GANC: variants seen among roughly 807,000 people sequenced by gnomAD.
The protein encoded by GANC is glucosidase alpha, neutral C.
In GANC, 117 loss-of-function variants were observed where a neutral mutation model predicts 124.2. That is an observed-to-expected ratio of 0.94 (90% CI 0.81 to 1.10). The LOEUF (loss-of-function observed/expected upper bound fraction) is 1.10. Ranked by LOEUF, GANC falls within the 50% of genes least tolerant of loss-of-function variation. The pLI is 0.00. For missense variants in GANC, 1,140 were observed against 1,095.0 expected, an observed-to-expected ratio of 1.04 and a Z score of -0.58; for synonymous variants, 377 against 376.8, an observed-to-expected ratio of 1.00 and a Z score of -0.01.
At position 42,297,764 on chromosome 15, in the gene GANC, A is replaced by G. The variant is rs537444171; in HGVS notation, c.558+108A>G. On this transcript the variant is annotated intron_variant, in intron 6 of 23. Coordinates refer to ENST00000318010, the MANE Select transcript of GANC (RefSeq NM_198141.3). Reference sequence around the variant, plus strand: ...TCTACAGAAGGGTGCTTGTTAAATGATCGACTGCATATAAATAGGACCACT... The same window carrying G: ...TCTACAGAAGGGTGCTTGTTAAATGGTCGACTGCATATAAATAGGACCACT... The G allele has an allele frequency of 2.4e-4, 161 of 671,710 alleles. 4 individuals carry two copies. The South Asian group carries it at 2.5e-3, about 11-fold the overall frequency. 41.6% of individuals were successfully genotyped at this position (671,710 alleles called of 1,614,324 possible). A position where few individuals can be genotyped will look rare whatever the true frequency, so the allele number is the denominator to read the frequency against.
In GANC at chr15:42,329,271, A is replaced by G. The variant is rs181209171; in HGVS notation, c.1501-35A>G. ...GACAGCTATTATATAGACATCATCA[A>G]TGTAGGAGTGTCATGACCAAGGTTT... On this transcript the variant is annotated intron_variant, in intron 13 of 23. Coordinates refer to ENST00000318010, the MANE Select transcript of GANC (RefSeq NM_198141.3). The G allele has an allele frequency of 1.7e-4, 278 of 1,595,264 alleles. No individual in the cohort carries two copies. The Admixed American group carries it at 1.8e-3, about 10-fold the overall frequency.
At position 42,276,366 on chromosome 15, in the gene GANC, A is replaced by G. The variant is rs1447375895; in HGVS notation, c.48A>G (p.Val16=). Residue 16 remains valine, a synonymous_variant, in exon 2 of 24, where the codon GTA becomes GTG. Coordinates refer to ENST00000318010, the MANE Select transcript of GANC (RefSeq NM_198141.3). ...KEEISLEDEA[V]DKNIFRDCNK... is the part of the protein sequence containing the mutation. ...TATTTAGTCTTGAAGATGAAGCTGT[A>G]GATAAAAACATTTTCAGAGACTGTA... 4.1e-6 allele frequency: 6 copies of G among 1,453,352 alleles called. No homozygotes were observed. The highest frequency in any genetic ancestry group is 3.4e-5 in the Admixed American group (2 of 58,864). 90.0% of individuals were successfully genotyped at this position (1,453,352 alleles called of 1,614,324 possible).
intron 18 of GANC, 92 bp from the exon 19 acceptor site, chr15:42,342,986 A>G: frequency 1.9e-6 from 2 of 1,047,654 alleles, no homozygotes; most frequent in East Asian, 2.5e-5. Context: ...GGAGGTCTGT[A>G]ACACCATGAT....
In GANC at chr15:42,284,049, T is replaced by C. The variant is rs1178869586; in HGVS notation, c.202-3642T>C. ...GATCCCGGGAGGTCTTGATCACAGC[T>C]GGTAGAGGTGGCCACTCACTGTTCT... On this transcript the variant is annotated intron_variant, in intron 3 of 23. Transcript: ENST00000318010. 6 of 698,662 alleles carry C rather than the reference T, an allele frequency of 8.6e-6. No homozygotes were observed. In the South Asian group the frequency reaches 8.9e-5, roughly 10 times the overall value. The allele number at this position is 698,662 out of a possible 1,614,324, so 43.3% of individuals were successfully genotyped here.
intron 11 of GANC, among the ~76,000 whole-genome samples, chr15:42,324,134 T>G (rs1678984): frequency 0.81 from 122,376 of 151,572 alleles, 51,949 homozygotes; most frequent in Non-Finnish European, 0.94. Context: ...TGAATAGACA[T>G]CTCTCCAAAG....
At chr15:42,287,669 A>G (rs1313133584) in intron 3 of GANC, 22 bp from the exon 4 acceptor site, 6 of 1,603,308 alleles carry the variant, frequency 3.7e-6, no homozygotes, top group Non-Finnish European at 5.1e-6. Flanking sequence ...TGTTGAAGGT[A>G]ATCTCTTGTA....
chr15:42,330,744 G>A (rs1595780603), intron 15 of GANC, 72 bp downstream of exon 15: 5 of 693,218 alleles, frequency 7.2e-6, no homozygotes, highest in South Asian at 5.2e-5. Context: ...AGAATGTGAT[G>A]TTACTGTGCT....
At chr15:42,330,747 A>G in intron 15 of GANC, 75 bp downstream of exon 15, 2 of 817,958 alleles carry the variant, frequency 2.4e-6, no homozygotes, top group East Asian at 2.9e-5. Context: ...ATGTGATGTT[A>G]CTGTGCTGAT....
chr15:42,281,835 T>C (rs1178084514), intron 3 of GANC, among the ~76,000 whole-genome samples: 12 of 152,214 alleles, frequency 7.9e-5, no homozygotes, highest in Non-Finnish European at 2.9e-5. Context: ...TGAGAGGTTA[T>C]ACATATACAT....
At chr15:42,317,429 A>G (rs1027170618) in intron 10 of GANC, among the ~76,000 whole-genome samples, 9 of 152,204 alleles carry the variant, frequency 5.9e-5, no homozygotes, top group Non-Finnish European at 5.9e-5. Flanking sequence ...CTTAATGATT[A>G]CAGAGTTTCT....
intron 5 of GANC, among the ~76,000 whole-genome samples, chr15:42,293,921 C>A (rs1595766520): frequency 6.6e-6 from 1 of 151,348 alleles, no homozygotes; most frequent in Non-Finnish European, 1.5e-5. Context: ...TTTAATAGCA[C>A]ATGCCTGTAG....
chr15:42,336,293 C>T (rs774530099), intron 15 of GANC, among the ~76,000 whole-genome samples: 1 of 152,090 alleles, frequency 6.6e-6, no homozygotes, highest in Non-Finnish European at 1.5e-5. Context: ...GCATGTAGAC[C>T]AATGGAACAG....
intron 3 of GANC, chr15:42,284,040 G>C (rs1219683894): frequency 4.3e-6 from 3 of 700,704 alleles, no homozygotes; most frequent in Non-Finnish European, 7.8e-6. Flanking sequence ...GGGAGGTCTT[G>C]ATCACAGCTG....
Position 42,274,450 on chromosome 15 carries a change from A to G in GANC, c.-32A>G. 2 of 1,607,488 alleles carry G rather than the reference A, an allele frequency of 1.2e-6. No homozygotes were observed. The highest frequency in any genetic ancestry group is 1.7e-6 in the Non-Finnish European group (2 of 1,177,124). On this transcript the variant is annotated 5_prime_UTR_variant, in exon 1 of 24. Transcript: ENST00000318010. ...GATCGCCCAGGGCCCTTGTCCTGAG[A>G]GCTGGGAGCTGGTCGGAGTGACAGA...
rs919624926 is a variant in GANC at position 42,292,608 on chromosome 15, C to T, written c.330-127C>T. On this transcript the variant is annotated intron_variant, in intron 4 of 23. Coordinates refer to ENST00000318010, the MANE Select transcript of GANC (RefSeq NM_198141.3). ...AGCCAATGCTCTCATTAACTTTTCT[C>T]TGTTGCCTTATCTATGGCTATGTCA... 4.5e-6 allele frequency: 4 copies of T among 879,986 alleles called. No homozygotes were observed. In the East Asian group the frequency reaches 1.1e-4, roughly 23 times the overall value. 54.5% of individuals were successfully genotyped at this position (879,986 alleles called of 1,614,324 possible).
Position 42,292,972 on chromosome 15 carries a change from A to G in GANC, c.512+55A>G, listed in dbSNP as rs1018507460. Reference sequence around the variant, plus strand: ...GACCTTAACATAACCTGGTTAATGAATATCAGTTGCCTAAATAGATAACAT... The same window carrying G: ...GACCTTAACATAACCTGGTTAATGAGTATCAGTTGCCTAAATAGATAACAT... On this transcript the variant is annotated intron_variant, in intron 5 of 23. Transcript: ENST00000318010. 22 of 1,507,294 alleles carry G rather than the reference A, an allele frequency of 1.5e-5. No homozygotes were observed. In the African/African-American group the frequency reaches 2.5e-4, roughly 17 times the overall value. The allele number at this position is 1,507,294 out of a possible 1,614,324, so 93.4% of individuals were successfully genotyped here. A position where few individuals can be genotyped will look rare whatever the true frequency, so the allele number is the denominator to read the frequency against.
At chr15:42,277,848 C>T (rs1453997785) in intron 2 of GANC, among the ~76,000 whole-genome samples, 2 of 145,696 alleles carry the variant, frequency 1.4e-5, no homozygotes, top group Non-Finnish European at 3.0e-5. Flanking sequence ...ATGATCCATC[C>T]ACCTCGGCCT....
At chr15:42,331,432 A>C (rs893329207) in intron 15 of GANC, among the ~76,000 whole-genome samples, 2 of 152,222 alleles carry the variant, frequency 1.3e-5, no homozygotes, top group Non-Finnish European at 2.9e-5. Context: ...AACTGGATGC[A>C]GTTTACCAGC....
chr15:42,323,720 C>T (rs1434200227), intron 11 of GANC, among the ~76,000 whole-genome samples: 1 of 152,124 alleles, frequency 6.6e-6, no homozygotes, highest in East Asian at 1.9e-4. Flanking sequence ...CCAGGCTGGT[C>T]TTGAACTCCT....
Sources: gnomAD v4.1 joint callset for allele counts (sites outside exome capture counted in the v4.1 genomes callset) on GRCh38, gnomAD v4.1.1 for gene constraint, MANE v1.5 for transcripts, NCBI Gene and HGNC (gene_info 2026-07-23, HGNC 2026-07-21) for gene names.